The following RAB10 variants were observed in gnomAD, a reference collection of about 807,000 sequenced individuals.
RAB10 encodes ras-related protein Rab-10.
Under a neutral mutation model 25.7 loss-of-function variants are expected in RAB10, and 5 were observed. The ratio of observed to expected loss-of-function variants is 0.19; its 90% CI spans 0.10 to 0.41. The LOEUF (loss-of-function observed/expected upper bound fraction) is 0.41, where lower values mean the gene tolerates loss of function less well. RAB10 is among the 10% of genes least tolerant of loss of function. The probability of loss-of-function intolerance (pLI) is 1.00; values close to 1 mark genes in which losing one functional copy is unlikely to be tolerated. For missense variants in RAB10, 103 were observed against 245.8 expected, an observed-to-expected ratio of 0.42 and a Z score of 3.89; for synonymous variants, 89 against 86.4, an observed-to-expected ratio of 1.03 and a Z score of -0.16.
chr2:26,069,802 T>C (rs948500887), intron 1 of RAB10, among the ~76,000 whole-genome samples: 1 of 151,538 alleles, frequency 6.6e-6, no homozygotes, highest in African/African-American at 2.4e-5. Context: ...ACCTCTCAGG[T>C]TTAAGTGATT....
intron 1 of RAB10, among the ~76,000 whole-genome samples, chr2:26,085,644 G>A (rs1020961519): frequency 3.2e-4 from 49 of 151,976 alleles, no homozygotes; most frequent in African/African-American, 1.2e-3. Context: ...GTAAAAAGAC[G>A]GTACAGAATG....
chr2:26,105,288 G>T (rs1667444480), intron 2 of RAB10, among the ~76,000 whole-genome samples: 1 of 152,174 alleles, frequency 6.6e-6, no homozygotes, highest in East Asian at 1.9e-4. Flanking sequence ...TTGTTAACAA[G>T]CAGCCAGTGA....
intron 1 of RAB10, among the ~76,000 whole-genome samples, chr2:26,091,993 GA>G (rs1667116517): frequency 6.6e-6 from 1 of 152,010 alleles, no homozygotes; most frequent in Non-Finnish European, 1.5e-5. Context: ...CCAACATGGT[GA>G]AACCCTGACT....
intron 3 of RAB10, among the ~76,000 whole-genome samples, chr2:26,116,748 G>A (rs1380342202): frequency 2.0e-5 from 3 of 151,730 alleles, no homozygotes; most frequent in African/African-American, 2.4e-5. Flanking sequence ...AGTAGAGATG[G>A]GGTTTCAACG....
chr2:26,136,513 T>TC lies in RAB10; in HGVS notation c.*1494dup, dbSNP rs1174899857. ...AGATCTTTAGCTATCTCTAACCCTG[T>TC]CCTTTTTTCACTGCATTTTTTCTAG... is the stretch of plus-strand genomic sequence containing the variant. On this transcript the variant is annotated 3_prime_UTR_variant, in exon 6 of 6. Coordinates refer to ENST00000264710, the MANE Select transcript of RAB10 (RefSeq NM_016131.5). The TC allele has an allele frequency of 2.6e-5, 4 of 152,678 alleles. No homozygotes were observed. Among genetic ancestry groups the TC allele is most frequent in the Non-Finnish European group, 5.9e-5 (4 of 68,048 alleles). The allele number at this position is 152,678 out of a possible 1,614,324, so 9.5% of individuals were successfully genotyped here. A position where few individuals can be genotyped will look rare whatever the true frequency, so the allele number is the denominator to read the frequency against.
At chr2:26,083,347 C>T (rs1666908424) in intron 1 of RAB10, among the ~76,000 whole-genome samples, 1 of 152,018 alleles carries the variant, frequency 6.6e-6, no homozygotes, top group Admixed American at 6.6e-5. Flanking sequence ...GTCAGTGTAC[C>T]AAAACCAATT....
chr2:26,106,090 T>G (rs895374347), intron 2 of RAB10, among the ~76,000 whole-genome samples: 2 of 152,214 alleles, frequency 1.3e-5, no homozygotes, highest in African/African-American at 4.8e-5. Flanking sequence ...GCATCCAGGT[T>G]ATTGGAGACC....
At position 26,118,293 on chromosome 2, in the gene RAB10, A is replaced by G. The variant is rs1000543298; in HGVS notation, c.327+8387A>G. On this transcript the variant is annotated intron_variant, in intron 3 of 5. Transcript: ENST00000264710. The stretch of plus-strand genomic sequence containing the variant: ...CCAAAAAGATGTTCTTTTAGCTCCA[A>G]TTTTTACAAAGTAACGTCCCCTCCT... Among the ~76,000 whole-genome samples the G allele has an allele frequency of 2.7e-5, 4 of 149,808 alleles. No individual in the cohort carries two copies. The South Asian group carries it at 8.5e-4, about 32-fold the overall frequency.
intron 1 of RAB10, among the ~76,000 whole-genome samples, chr2:26,092,261 C>CTGTGTGTG (rs56875863): frequency 1.3e-4 from 17 of 130,882 alleles, no homozygotes; most frequent in Admixed American, 2.3e-4. Context: ...ATAGTGAGAG[C>CTGTGTGTG]TGTGTGTGTG....
intron 1 of RAB10, among the ~76,000 whole-genome samples, chr2:26,060,695 A>G (rs1189625142): frequency 4.6e-5 from 7 of 152,348 alleles, no homozygotes; most frequent in South Asian, 4.1e-4. Context: ...TATGTAGCTA[A>G]TAGTAAGTGG....
Position 26,132,979 on chromosome 2 carries a change from A to T in RAB10, c.520-1959A>T, listed in dbSNP as rs566032305. Among the ~76,000 whole-genome samples the T allele has an allele frequency of 4.3e-4, 65 of 152,042 alleles. 2 individuals carry two copies. The South Asian group carries it at 0.013, about 30-fold the overall frequency. On this transcript the variant is annotated intron_variant, in intron 5 of 5. Coordinates refer to ENST00000264710, the MANE Select transcript of RAB10 (RefSeq NM_016131.5). ...TACATTTTTCTCAAAGATCTGTATT[A>T]GGAGCAAAGTCACTTGTACTGGAAA...
intron 1 of RAB10, among the ~76,000 whole-genome samples, chr2:26,067,673 G>A (rs1239041111): frequency 4.6e-5 from 7 of 152,194 alleles, no homozygotes; most frequent in Admixed American, 6.5e-5. Flanking sequence ...AAGAAAAGAG[G>A]CAGACTACCA....
At chr2:26,103,067 T>C (rs528794361) in intron 2 of RAB10, among the ~76,000 whole-genome samples, 8 of 152,310 alleles carry the variant, frequency 5.3e-5, no homozygotes, top group Admixed American at 3.9e-4. Context: ...TTATTGTTTA[T>C]AAGTGAAAAC....
intron 1 of RAB10, among the ~76,000 whole-genome samples, chr2:26,080,526 A>G (rs1476499837): frequency 6.6e-6 from 1 of 152,140 alleles, no homozygotes; most frequent in Non-Finnish European, 1.5e-5. Context: ...ATTCTATGCA[A>G]TACCTAACCA....
intron 1 of RAB10, among the ~76,000 whole-genome samples, chr2:26,050,984 T>G (rs901414591): frequency 6.6e-6 from 1 of 151,674 alleles, no homozygotes; most frequent in Non-Finnish European, 1.5e-5. Context: ...AGTGGCGTGA[T>G]CAGGGCTCTC....
intron 3 of RAB10, among the ~76,000 whole-genome samples, chr2:26,111,662 A>G (rs1422716710): frequency 1.3e-5 from 2 of 152,044 alleles, no homozygotes; most frequent in Admixed American, 1.3e-4. Context: ...TGATTTCCTT[A>G]TTCTTTATTT....
At chr2:26,113,752 A>T (rs1232378522) in intron 3 of RAB10, among the ~76,000 whole-genome samples, 8 of 151,574 alleles carry the variant, frequency 5.3e-5, no homozygotes. Context: ...CTAAAAAAAA[A>T]AAAAAAAAGA....
intron 1 of RAB10, among the ~76,000 whole-genome samples, chr2:26,065,036 T>C (rs1224350351): frequency 5.9e-5 from 9 of 152,176 alleles, no homozygotes; most frequent in Non-Finnish European, 1.3e-4. Flanking sequence ...CTCTGTAGCC[T>C]GGGTGACAGA....
At chr2:26,113,917 A>G (rs1438919760) in intron 3 of RAB10, among the ~76,000 whole-genome samples, 3 of 152,190 alleles carry the variant, frequency 2.0e-5, no homozygotes, top group Non-Finnish European at 2.9e-5. Context: ...AGATCAACAT[A>G]TAAAAATCAG....
Sources: gnomAD v4.1 joint callset for allele counts (sites outside exome capture counted in the v4.1 genomes callset) on GRCh38, gnomAD v4.1.1 for gene constraint, MANE v1.5 for transcripts, NCBI Gene and HGNC (gene_info 2026-07-23, HGNC 2026-07-21) for gene names.